Variants in ARHGEF7 observed in about 807,000 individuals in gnomAD.
ARHGEF7 encodes the protein PAK-interacting exchange factor beta.
In ARHGEF7, 33 loss-of-function variants were observed where a neutral mutation model predicts 109.8. The ratio of observed to expected loss-of-function variants is 0.30; its 90% CI spans 0.23 to 0.40. The LOEUF (loss-of-function observed/expected upper bound fraction) is 0.40. Ranked by LOEUF, ARHGEF7 falls within the 10% of genes least tolerant of loss-of-function variation. The pLI is 1.00. For synonymous variants in ARHGEF7, 458 were observed against 424.6 expected (o/e 1.08, Z -0.97); for missense variants, 938 against 1,098.5 (o/e 0.85, Z 2.07).
At chr13:111,153,065 G>A (rs3809341) in intron 1 of ARHGEF7, among the ~76,000 whole-genome samples, 135,546 of 152,340 alleles carry the variant, frequency 0.89, 60,303 homozygotes, top group South Asian at 0.94. Flanking sequence ...TTCATGAAGC[G>A]CGTGGCTTAT....
Position 111,258,454 on chromosome 13 carries a change from C to T in ARHGEF7, c.951-9094C>T, listed in dbSNP as rs146724226. Among the ~76,000 whole-genome samples the T allele has an allele frequency of 7.9e-4, 121 of 152,320 alleles. No homozygotes were observed. Among genetic ancestry groups the T allele is most frequent in the African/African-American group, 1.9e-3 (80 of 41,570 alleles). ...GCATCAGGCAGAACCCTGAGGCTCC[C>T]GGACGACATTTATAGACATACCTTG... On this transcript the variant is annotated intron_variant, in intron 8 of 21. Transcript: ENST00000646102. The surrounding 1 kb of genome is among the most constrained non-coding windows in gnomAD (Gnocchi z 4.4).
In ARHGEF7 at chr13:111,266,976, C is replaced by T. The variant is rs1270468030; in HGVS notation, c.951-572C>T. 8.9e-6 allele frequency: 4 copies of T among 450,194 alleles called. No homozygotes were observed. Among genetic ancestry groups the T allele is most frequent in the South Asian group, 1.6e-5 (1 of 64,416 alleles). The allele number at this position is 450,194 out of a possible 1,614,324, so 27.9% of individuals were successfully genotyped here. A position where few individuals can be genotyped will look rare whatever the true frequency, so the allele number is the denominator to read the frequency against. ...CACAGCTTGTGCCGACTTGTCACCC[C>T]TCATGCAGCTTCCAGTGCTGGTTCT... On this transcript the variant is annotated intron_variant, in intron 8 of 21. Transcript: ENST00000646102. The surrounding 1 kb of genome is among the most constrained non-coding windows in gnomAD (Gnocchi z 4.8).
In ARHGEF7 at chr13:111,133,812, T is replaced by TATATAAATAA. The variant is rs1555341569; in HGVS notation, c.165+18123_165+18124insATAAATAAAT. Among the ~76,000 whole-genome samples, 35 of 62,546 alleles carry TATATAAATAA rather than the reference T, an allele frequency of 5.6e-4. 4 individuals are homozygous for TATATAAATAA. Among genetic ancestry groups the TATATAAATAA allele is most frequent in the African/African-American group, 2.3e-3 (29 of 12,428 alleles). The allele number at this position is 62,546 out of a possible 152,430, so 41.0% of individuals were successfully genotyped here. Reference sequence around the variant, plus strand: ...ATATATATATATATATATATATATATATTTATTATACTTTAAGTTCTAGGT... The same window carrying TATATAAATAA: ...ATATATATATATATATATATATATATATATAAATAAATTTATTATACTTTAAGTTCTAGGT... On this transcript the variant is annotated intron_variant, in intron 1 of 21. Coordinates refer to ENST00000646102, the MANE Select transcript of ARHGEF7 (RefSeq NM_001354046.2).
Position 111,272,313 on chromosome 13 carries a change from ACTGT to A in ARHGEF7, c.1074-1494_1074-1491del, listed in dbSNP as rs1442529762. On this transcript the variant is annotated intron_variant, in intron 9 of 21. Transcript: ENST00000646102. This position sits in a 1 kb window ranked among gnomAD's most constrained non-coding sequence, Gnocchi z 5.2. ...CAGTTTCCTCTGGGTTAGCCAAAAC[ACTGT>A]CTGTCTTTTCCCCGGGAGCCCTTGA... is the stretch of plus-strand genomic sequence containing the variant. Among the ~76,000 whole-genome samples, 5 of 152,196 alleles carry A rather than the reference ACTGT, an allele frequency of 3.3e-5. No homozygotes were observed. The highest frequency in any genetic ancestry group is 9.6e-5 in the African/African-American group (4 of 41,452).
At chr13:111,206,972 A>G (rs1354067009) in intron 3 of ARHGEF7, among the ~76,000 whole-genome samples, 59 of 142,086 alleles carry the variant, frequency 4.2e-4, no homozygotes, top group African/African-American at 1.0e-3. Context: ...AAAAAAAAAA[A>G]AAAGAAAAAG....
intron 2 of ARHGEF7, among the ~76,000 whole-genome samples, chr13:111,167,043 G>GA (rs1157961383): frequency 1.3e-5 from 2 of 152,188 alleles, no homozygotes; most frequent in African/African-American, 4.8e-5. Flanking sequence ...CGTGCGTACT[G>GA]ACGTTGCTCA....
At chr13:111,268,428 A>C (rs1195721464) in intron 9 of ARHGEF7, among the ~76,000 whole-genome samples, 2 of 152,250 alleles carry the variant, frequency 1.3e-5, no homozygotes, top group South Asian at 2.1e-4. Context: ...ACAGAAATTC[A>C]CACATTTTCA....
intron 18 of ARHGEF7, 73 bp from the exon 19 acceptor site, chr13:111,292,045 G>A: frequency 7.8e-7 from 1 of 1,289,208 alleles, no homozygotes; most frequent in South Asian, 1.3e-5. Context: ...CCATGTTTTG[G>A]TTGTGGCTCT....
rs1476436907 is a variant in ARHGEF7, at chr13:111,131,105, C to T, written c.165+15414C>T. On this transcript the variant is annotated intron_variant, in intron 1 of 21. Coordinates refer to ENST00000646102, the MANE Select transcript of ARHGEF7 (RefSeq NM_001354046.2). This position sits in a 1 kb window ranked among gnomAD's most constrained non-coding sequence, Gnocchi z 4.4. The stretch of plus-strand genomic sequence containing the variant: ...CTGTGCTTTGAAAACAATACTCTAG[C>T]CATAGCGTGGAGAACAGATGAAATG... 6.6e-6 allele frequency among the ~76,000 whole-genome samples: 1 copy of T among 152,154 alleles called. No homozygotes were observed. The highest frequency in any genetic ancestry group is 2.4e-5 in the African/African-American group (1 of 41,432).
chr13:111,129,030 G>C (rs913427855), intron 1 of ARHGEF7, among the ~76,000 whole-genome samples: 2 of 152,148 alleles, frequency 1.3e-5, no homozygotes, highest in African/African-American at 4.8e-5. Flanking sequence ...TAGATCAACA[G>C]AACAGAATAG....
chr13:111,249,203 A>G (rs2089385318), intron 8 of ARHGEF7, among the ~76,000 whole-genome samples: 1 of 152,146 alleles, frequency 6.6e-6, no homozygotes, highest in Non-Finnish European at 1.5e-5. Context: ...GCTGTTCCAC[A>G]TAACAAAGTT....
intron 6 of ARHGEF7, chr13:111,240,999 A>G: frequency 1.5e-6 from 1 of 681,628 alleles, no homozygotes; most frequent in Non-Finnish European, 2.3e-6. Context: ...TTAATGATGC[A>G]ACGAATAAAG....
chr13:111,303,197 CCACAG>C lies in ARHGEF7; in HGVS notation c.*85_*89del. On this transcript the variant is annotated 3_prime_UTR_variant, in exon 22 of 22. Coordinates refer to ENST00000646102, the MANE Select transcript of ARHGEF7 (RefSeq NM_001354046.2). ...GACCCAAGTCGGGGTGCACTCAGGA[CCACAG>C]GGCAGGGCTGGGTGGGGCGCCACCT... The C allele has an allele frequency of 1.5e-5, 18 of 1,228,782 alleles. No individual in the cohort carries two copies. The highest frequency in any genetic ancestry group is 2.0e-5 in the Non-Finnish European group (18 of 902,758). 76.1% of individuals were successfully genotyped at this position (1,228,782 alleles called of 1,614,324 possible). A position where few individuals can be genotyped will look rare whatever the true frequency, so the allele number is the denominator to read the frequency against.
intron 1 of ARHGEF7, among the ~76,000 whole-genome samples, chr13:111,150,253 G>A (rs1285847889): frequency 6.6e-6 from 1 of 152,218 alleles, no homozygotes; most frequent in Non-Finnish European, 1.5e-5. Flanking sequence ...CAAGTACAGG[G>A]TCACATTCTT....
chr13:111,287,560 T>G (rs1038001104), intron 17 of ARHGEF7, among the ~76,000 whole-genome samples: 1 of 152,212 alleles, frequency 6.6e-6, no homozygotes, highest in African/African-American at 2.4e-5. Context: ...GAACAATGTG[T>G]GGGCCATGGA....
At chr13:111,190,312 A>G (rs1241560487) in intron 2 of ARHGEF7, among the ~76,000 whole-genome samples, 1 of 152,174 alleles carries the variant, frequency 6.6e-6, no homozygotes, top group Non-Finnish European at 1.5e-5. Flanking sequence ...TAAGAGTTTG[A>G]AAGGCATTGT....
At chr13:111,129,155 C>T (rs1331107308) in intron 1 of ARHGEF7, among the ~76,000 whole-genome samples, 1 of 152,036 alleles carries the variant, frequency 6.6e-6, no homozygotes, top group South Asian at 2.1e-4. Context: ...AAGTAGATAC[C>T]CATATTTTTA....
At chr13:111,170,378 G>A (rs537911148) in intron 2 of ARHGEF7, among the ~76,000 whole-genome samples, 2 of 152,354 alleles carry the variant, frequency 1.3e-5, no homozygotes, top group Non-Finnish European at 1.5e-5. Flanking sequence ...GATTATAGGC[G>A]TGAGCCACCG....
At chr13:111,295,218 A>G (rs796556011) in intron 19 of ARHGEF7, 6 of 985,158 alleles carry the variant, frequency 6.1e-6, no homozygotes, top group African/African-American at 3.5e-5. Flanking sequence ...TATTTGTTAC[A>G]TGGGGGAGGG....
Sources: allele counts gnomAD v4.1 joint callset (sites outside exome capture counted in the v4.1 genomes callset), GRCh38; gene constraint gnomAD v4.1.1; non-coding constraint Gnocchi (gnomAD v3.1); transcripts MANE v1.5; gene names NCBI Gene and HGNC (gene_info 2026-07-23, HGNC 2026-07-21).